Variants in PKHD1 observed in about 807,000 individuals in gnomAD.
PKHD1 encodes fibrocystin.
PKHD1 carries 291 observed loss-of-function variants against 412.0 expected under a neutral mutation model. The ratio of observed to expected loss-of-function variants is 0.71; its 90% CI spans 0.64 to 0.78. PKHD1 has a LOEUF of 0.78. Among genes scored for constraint, PKHD1 ranks in the 30% least tolerant of loss-of-function variants. PKHD1 has a pLI of 0.00. For missense variants in PKHD1, 4,825 were observed against 4,950.7 expected, an observed-to-expected ratio of 0.97 and a Z score of 0.76; for synonymous variants, 1,777 against 1,821.5, an observed-to-expected ratio of 0.98 and a Z score of 0.62.
At chr6:51,661,782 T>C (rs1016766625) in intron 60 of PKHD1, among the ~76,000 whole-genome samples, 4 of 152,098 alleles carry the variant, frequency 2.6e-5, no homozygotes, top group African/African-American at 4.8e-5. Flanking sequence ...AATCATTCTG[T>C]ATTGTTTTCT....
chr6:51,975,638 A>AAAAC (rs1422820984), intron 35 of PKHD1: 1 of 151,344 alleles, frequency 6.6e-6, no homozygotes, highest in South Asian at 2.1e-4. Flanking sequence ...AAAAAAAAAA[A>AAAAC]AAACAAAAAG....
chr6:52,017,015 C>CT (rs1260745228), intron 34 of PKHD1, among the ~76,000 whole-genome samples: 1 of 152,096 alleles, frequency 6.6e-6, no homozygotes, highest in Non-Finnish European at 1.5e-5. Context: ...TTCTCTATGG[C>CT]TTTTTTTCAT....
chr6:51,807,054 T>C (rs1763887170), intron 52 of PKHD1, among the ~76,000 whole-genome samples: 1 of 152,156 alleles, frequency 6.6e-6, no homozygotes, highest in Admixed American at 6.6e-5. Flanking sequence ...CTAAATCATA[T>C]CATGTAAACA....
At chr6:51,963,726 GA>G (rs11431187) in intron 35 of PKHD1, among the ~76,000 whole-genome samples, 19 of 147,996 alleles carry the variant, frequency 1.3e-4, no homozygotes, top group South Asian at 6.4e-4. Flanking sequence ...ATCCAATCAA[GA>G]AAAAAAAAAT....
intron 60 of PKHD1, chr6:51,740,025 T>C (rs750472768): frequency 1.9e-6 from 1 of 518,932 alleles, no homozygotes; most frequent in East Asian, 5.4e-5. Flanking sequence ...TTCTTCTAAA[T>C]GATTTTGAAT....
rs1229318498 is a variant in PKHD1, at chr6:51,754,902, A to G, written c.8679T>C (p.His2893=). Residue 2893 remains histidine (H), a synonymous_variant, in exon 56 of 67, where the codon CAT becomes CAC. Coordinates refer to ENST00000371117, the MANE Select transcript of PKHD1 (RefSeq NM_138694.4). ...AAGAGGAGCTAAGGACTATTTTGTC[A>G]TGGGGGCGCCAATCCACTGCATCTT... ...IVEDAVDWRP[H]DKIVLSSSSY... is the part of the protein sequence containing the mutation. The G allele has an allele frequency of 4.3e-6, 7 of 1,613,524 alleles. No homozygotes were observed. Among genetic ancestry groups the G allele is most frequent in the Non-Finnish European group, 5.9e-6 (7 of 1,179,618 alleles).
intron 35 of PKHD1, among the ~76,000 whole-genome samples, chr6:52,002,428 T>G (rs1798540877): frequency 6.6e-6 from 1 of 152,244 alleles, no homozygotes; most frequent in Non-Finnish European, 1.5e-5. Context: ...CTGTCTGCCT[T>G]TCCAGCTTCT....
At chr6:52,032,726 T>C (rs894978812) in intron 29 of PKHD1, among the ~76,000 whole-genome samples, 1 of 152,190 alleles carries the variant, frequency 6.6e-6, no homozygotes, top group African/African-American at 2.4e-5. Flanking sequence ...CTATTTTATG[T>C]TTATGCTATC....
Position 52,053,044 on chromosome 6 carries a change from G to A in PKHD1, c.2140+32C>T, listed in dbSNP as rs749637520. On this transcript the variant is annotated intron_variant, in intron 21 of 66. Coordinates refer to ENST00000371117, the MANE Select transcript of PKHD1 (RefSeq NM_138694.4). Reference sequence around the variant, plus strand: ...GAAAGTTTGAGGTAGGCATGTGACCGGCTTGTGGAGGAGAGAGAATTTGAT... The same window carrying A: ...GAAAGTTTGAGGTAGGCATGTGACCAGCTTGTGGAGGAGAGAGAATTTGAT... 52 of 1,606,406 alleles carry A rather than the reference G, an allele frequency of 3.2e-5. 1 individual carries two copies. Among genetic ancestry groups the A allele is most frequent in the Admixed American group, 2.8e-4 (17 of 59,864 alleles).
intron 63 of PKHD1, among the ~76,000 whole-genome samples, chr6:51,647,628 T>C (rs1178362840): frequency 2.0e-5 from 3 of 152,162 alleles, no homozygotes; most frequent in Non-Finnish European, 4.4e-5. Flanking sequence ...AGAAATCATA[T>C]TGTACTTGGT....
intron 52 of PKHD1, among the ~76,000 whole-genome samples, chr6:51,795,399 G>A (rs547169562): frequency 8.9e-4 from 135 of 152,338 alleles, no homozygotes; most frequent in African/African-American, 3.2e-3. Context: ...TTTTGCTGAA[G>A]TTGCTTATCA....
At chr6:52,006,677 G>GA (rs764966289) in intron 35 of PKHD1, among the ~76,000 whole-genome samples, 1 of 152,050 alleles carries the variant, frequency 6.6e-6, no homozygotes, top group Non-Finnish European at 1.5e-5. Flanking sequence ...ACACCTGGCT[G>GA]AAAAATATAT....
Position 52,066,079 on chromosome 6 carries a change from TGC to T in PKHD1, c.779-4_779-3del. 7.2e-7 allele frequency: 1 copy of T among 1,381,768 alleles called. No homozygotes were observed. Among genetic ancestry groups the T allele is most frequent in the Non-Finnish European group, 1.0e-6 (1 of 990,514 alleles). The allele number at this position is 1,381,768 out of a possible 1,614,324, so 85.6% of individuals were successfully genotyped here. A position where few individuals can be genotyped will look rare whatever the true frequency, so the allele number is the denominator to read the frequency against. On this transcript the variant is annotated splice_region_variant and splice_polypyrimidine_tract_variant and intron_variant, in intron 11 of 66. Coordinates refer to ENST00000371117, the MANE Select transcript of PKHD1 (RefSeq NM_138694.4). ...TTTCTGGAAACACAGATAATATTTC[TGC>T]AAGAGTTAAAAAAAAAAAAAAGTAA...
chr6:51,771,228 A>T (rs1790068941), intron 55 of PKHD1, among the ~76,000 whole-genome samples: 1 of 152,062 alleles, frequency 6.6e-6, no homozygotes, highest in Non-Finnish European at 1.5e-5. Context: ...ACACACATGC[A>T]CATAACCTAC....
chr6:51,639,757 C>T (rs1769097886), intron 63 of PKHD1, among the ~76,000 whole-genome samples: 1 of 152,102 alleles, frequency 6.6e-6, no homozygotes, highest in South Asian at 2.1e-4. Context: ...AGACTTTACT[C>T]TGGAAATGTC....
At chr6:51,993,402 A>T (rs1797280361) in intron 35 of PKHD1, among the ~76,000 whole-genome samples, 1 of 152,220 alleles carries the variant, frequency 6.6e-6, no homozygotes. Context: ...GAACACTTGA[A>T]CTTTTACTTT....
chr6:51,820,084 G>A (rs564690745), intron 52 of PKHD1, among the ~76,000 whole-genome samples: 2 of 152,202 alleles, frequency 1.3e-5, no homozygotes, highest in Non-Finnish European at 2.9e-5. Flanking sequence ...ATAGCTGGAA[G>A]CTGAGATTGG....
At chr6:51,699,049 T>C (rs1405840968) in intron 60 of PKHD1, among the ~76,000 whole-genome samples, 3 of 152,232 alleles carry the variant, frequency 2.0e-5, no homozygotes, top group Non-Finnish European at 4.4e-5. Context: ...CCTCAGTTGG[T>C]TAAACAATTA....
At chr6:51,856,536 C>CA (rs1182719323) in intron 48 of PKHD1, among the ~76,000 whole-genome samples, 2 of 152,080 alleles carry the variant, frequency 1.3e-5, no homozygotes, top group African/African-American at 2.4e-5. Context: ...TTATCAACAG[C>CA]AAAAAACATT....
Sources: allele counts gnomAD v4.1 joint callset (sites outside exome capture counted in the v4.1 genomes callset), GRCh38; gene constraint gnomAD v4.1.1; transcripts MANE v1.5; gene names NCBI Gene and HGNC (gene_info 2026-07-23, HGNC 2026-07-21).